Variants in NCKAP5 observed in about 807,000 individuals in gnomAD.
NCKAP5 encodes the protein NCK associated protein 5.
A neutral mutation model predicts 167.0 loss-of-function variants in NCKAP5; 92 were observed. The ratio of observed to expected loss-of-function variants is 0.55; its 90% CI spans 0.47 to 0.66. The LOEUF (loss-of-function observed/expected upper bound fraction) is 0.66. Ranked by LOEUF, NCKAP5 falls within the 30% of genes least tolerant of loss-of-function variation. NCKAP5 has a pLI of 0.00. For missense variants in NCKAP5, 2,378 were observed against 2,315.0 expected (o/e 1.03, Z -0.56); for synonymous variants, 891 against 877.4 (o/e 1.02, Z -0.27).
chr2:133,378,075 C>T (rs966672014), intron 3 of NCKAP5, among the ~76,000 whole-genome samples: 4 of 152,084 alleles, frequency 2.6e-5, no homozygotes, highest in African/African-American at 9.7e-5. Flanking sequence ...ACCTTAATAG[C>T]TATATGCTGA....
chr2:133,059,934 G>GAA (rs34377278), intron 6 of NCKAP5, among the ~76,000 whole-genome samples: 7 of 142,646 alleles, frequency 4.9e-5, no homozygotes, highest in East Asian at 4.0e-4. Context: ...AATTTCTCCA[G>GAA]AAAAAAAAAA....
At chr2:132,890,064 G>A (rs115489225) in intron 8 of NCKAP5, among the ~76,000 whole-genome samples, 203 of 152,292 alleles carry the variant, frequency 1.3e-3, no homozygotes, top group African/African-American at 4.8e-3. Context: ...CATCTTTCAA[G>A]CTTGCTGAAA....
intron 11 of NCKAP5, among the ~76,000 whole-genome samples, chr2:132,807,590 T>C (rs867823587): frequency 1.3e-4 from 20 of 152,284 alleles, no homozygotes; most frequent in African/African-American, 4.8e-4. Context: ...GAACAACTGA[T>C]TTGTGTACAT....
At chr2:132,765,974 C>T (rs770145194) in intron 16 of NCKAP5, among the ~76,000 whole-genome samples, 6 of 151,912 alleles carry the variant, frequency 3.9e-5, no homozygotes, top group Admixed American at 2.6e-4. Context: ...GAGGTAACTT[C>T]GGGAATGAAA....
intron 8 of NCKAP5, among the ~76,000 whole-genome samples, chr2:132,886,929 T>C (rs1692269760): frequency 1.3e-5 from 2 of 152,174 alleles, no homozygotes; most frequent in Admixed American, 1.3e-4. Flanking sequence ...ACTGGGTAAA[T>C]ACATAATGCA....
At chr2:132,878,076 C>T (rs1198579859) in intron 9 of NCKAP5, among the ~76,000 whole-genome samples, 1 of 152,048 alleles carries the variant, frequency 6.6e-6, no homozygotes, top group African/African-American at 2.4e-5. Context: ...TGTCAGGGAG[C>T]GAATGGCCAA....
chr2:132,827,140 A>C (rs887725059), intron 11 of NCKAP5, among the ~76,000 whole-genome samples: 1 of 152,152 alleles, frequency 6.6e-6, no homozygotes, highest in Non-Finnish European at 1.5e-5. Context: ...AAAAATTACA[A>C]CTGCAACAGT....
intron 3 of NCKAP5, among the ~76,000 whole-genome samples, chr2:133,347,697 C>T (rs922583156): frequency 1.1e-4 from 17 of 152,008 alleles, no homozygotes; most frequent in African/African-American, 4.1e-4. Context: ...CCTCCCTGTC[C>T]CCCTTTCATT....
intron 19 of NCKAP5, among the ~76,000 whole-genome samples, chr2:132,709,146 C>A (rs1490012712): frequency 7.3e-6 from 1 of 136,770 alleles, no homozygotes; most frequent in South Asian, 2.1e-4. Flanking sequence ...ATAATATCTA[C>A]ACCCCCCCAC....
At chr2:133,474,155 T>TCTATACACACAC (rs1553649110) in intron 3 of NCKAP5, among the ~76,000 whole-genome samples, 1 of 142,566 alleles carries the variant, frequency 7.0e-6, no homozygotes, top group East Asian at 2.0e-4. Flanking sequence ...TATCTATCTA[T>TCTATACACACAC]ACACACACAC....
At chr2:132,898,290 A>G (rs908743245) in intron 8 of NCKAP5, among the ~76,000 whole-genome samples, 1 of 152,212 alleles carries the variant, frequency 6.6e-6, no homozygotes, top group African/African-American at 2.4e-5. Flanking sequence ...CACATCCTCA[A>G]GCTCTGCTTC....
At chr2:132,880,871 C>T (rs1691691508) in intron 8 of NCKAP5, among the ~76,000 whole-genome samples, 2 of 152,166 alleles carry the variant, frequency 1.3e-5, no homozygotes, top group African/African-American at 4.8e-5. Flanking sequence ...CATTTCTTTT[C>T]TGTACCTGGA....
At chr2:132,705,805 T>A (rs1238654690) in intron 19 of NCKAP5, among the ~76,000 whole-genome samples, 1 of 152,228 alleles carries the variant, frequency 6.6e-6, no homozygotes, top group Non-Finnish European at 1.5e-5. Context: ...ACTCCCATTT[T>A]ACAACCTAAG....
rs80078702 is a variant in NCKAP5 at position 132,702,037 on chromosome 2, C to T, written c.5713+23590G>A. Among the ~76,000 whole-genome samples the T allele has an allele frequency of 7.1e-3, 1,086 of 152,276 alleles. 11 individuals are homozygous for T. Among genetic ancestry groups the T allele is most frequent in the African/African-American group, 0.023 (953 of 41,554 alleles). On this transcript the variant is annotated intron_variant, in intron 19 of 19. Transcript: ENST00000409261. The stretch of plus-strand genomic sequence containing the variant: ...TCTGTCAGGCTTTTTGGCAAATGGT[C>T]TCACATGGTCTCCAATTAAGTGAAC...
chr2:132,879,589 C>T (rs6749712), intron 8 of NCKAP5, among the ~76,000 whole-genome samples: 48,784 of 151,956 alleles, frequency 0.32, 8,030 homozygotes, highest in Middle Eastern at 0.4. Flanking sequence ...TTAGAAGGAG[C>T]GTGAAATGCT....
chr2:132,717,014 A>C (rs1337120570), intron 19 of NCKAP5, among the ~76,000 whole-genome samples: 1 of 152,146 alleles, frequency 6.6e-6, no homozygotes. Flanking sequence ...AGCATAGTGC[A>C]CACCCAATGT....
chr2:132,815,635 T>C (rs1686207665), intron 11 of NCKAP5, among the ~76,000 whole-genome samples: 1 of 152,214 alleles, frequency 6.6e-6, no homozygotes, highest in Non-Finnish European at 1.5e-5. Context: ...TAAGATGCCC[T>C]TTAACTTGAA....
chr2:133,139,042 T>C (rs982862020), intron 5 of NCKAP5, among the ~76,000 whole-genome samples: 2 of 152,182 alleles, frequency 1.3e-5, no homozygotes, highest in African/African-American at 4.8e-5. Context: ...AGTAAAGGCA[T>C]TGGCTCATGG....
At chr2:132,860,349 A>T in intron 11 of NCKAP5, 143 bp downstream of exon 11, 1 of 986,286 alleles carries the variant, frequency 1.0e-6, no homozygotes, top group Non-Finnish European at 1.5e-6. Flanking sequence ...CTTCAAATTT[A>T]ATGACATAAC....
Sources: gnomAD v4.1 joint callset for allele counts (sites outside exome capture counted in the v4.1 genomes callset) on GRCh38, gnomAD v4.1.1 for gene constraint, MANE v1.5 for transcripts, NCBI Gene and HGNC (gene_info 2026-07-23, HGNC 2026-07-21) for gene names.